The following NRG1 variants were observed in gnomAD, a reference collection of about 807,000 sequenced individuals.
NRG1 encodes the protein neuregulin 1.
NRG1 carries 18 observed loss-of-function variants against 63.8 expected under a neutral mutation model. That is an observed-to-expected ratio of 0.28 (90% CI 0.19 to 0.42). The LOEUF is 0.42. Ranked by LOEUF, NRG1 falls within the 10% of genes least tolerant of loss-of-function variation. The probability of loss-of-function intolerance (pLI) is 1.00; values close to 1 mark genes in which losing one functional copy is unlikely to be tolerated. For synonymous variants in NRG1, 302 were observed against 301.3 expected (o/e 1.00, Z -0.02); for missense variants, 762 against 814.7 (o/e 0.94, Z 0.79).
chr8:32,113,079 C>T (rs893009379), intron 1 of NRG1, among the ~76,000 whole-genome samples: 1 of 152,118 alleles, frequency 6.6e-6, no homozygotes, highest in African/African-American at 2.4e-5. Flanking sequence ...GGGGCTGTAC[C>T]ACTGGGCAGG....
chr8:31,694,159 G>T (rs1237148845), intron 1 of NRG1, among the ~76,000 whole-genome samples: 2 of 152,168 alleles, frequency 1.3e-5, no homozygotes, highest in African/African-American at 4.8e-5. Context: ...GTCTTTTGAG[G>T]TGGTGGGAAG....
intron 1 of NRG1, among the ~76,000 whole-genome samples, chr8:32,064,224 A>G (rs1231612882): frequency 1.3e-5 from 2 of 152,140 alleles, no homozygotes; most frequent in Non-Finnish European, 2.9e-5. Context: ...TAGATAGCCA[A>G]ACAAAATGGA....
intron 1 of NRG1, chr8:32,026,208 A>G (rs1041756723): frequency 2.0e-5 from 3 of 151,516 alleles, no homozygotes; most frequent in Admixed American, 6.6e-5. Flanking sequence ...AGCCGGGACT[A>G]CAGGCGCCTG....
chr8:32,423,896 A>AT (rs1817008192), intron 1 of NRG1, among the ~76,000 whole-genome samples: 1 of 152,202 alleles, frequency 6.6e-6, no homozygotes, highest in African/African-American at 2.4e-5. Flanking sequence ...CTGCCATAAC[A>AT]TATTTTCCTC....
intron 1 of NRG1, among the ~76,000 whole-genome samples, chr8:32,281,184 C>CTTTTTTTTT (rs35582021): frequency 3.2e-5 from 3 of 94,326 alleles, no homozygotes; most frequent in Non-Finnish European, 5.9e-5. Flanking sequence ...GTAGTTTTTC[C>CTTTTTTTTT]TTTTTTTTTT....
At chr8:32,625,239 A>G (rs1563795124) in intron 5 of NRG1, among the ~76,000 whole-genome samples, 1 of 151,618 alleles carries the variant, frequency 6.6e-6, no homozygotes, top group Non-Finnish European at 1.5e-5. Context: ...AAGTGTTGGA[A>G]TGCCACTTTT....
At chr8:31,705,390 A>G (rs1267491396) in intron 1 of NRG1, among the ~76,000 whole-genome samples, 1 of 147,054 alleles carries the variant, frequency 6.8e-6, no homozygotes, top group Non-Finnish European at 1.5e-5. Context: ...CCACGCTGAA[A>G]CTCTCTCTCT....
intron 1 of NRG1, among the ~76,000 whole-genome samples, chr8:31,843,374 A>G (rs963975719): frequency 6.6e-6 from 1 of 152,192 alleles, no homozygotes. Flanking sequence ...ATGCCATGTC[A>G]CTAAACGTCA....
At chr8:32,387,766 C>T (rs1811201645) in intron 1 of NRG1, among the ~76,000 whole-genome samples, 1 of 151,898 alleles carries the variant, frequency 6.6e-6, no homozygotes, top group Non-Finnish European at 1.5e-5. Context: ...TTGGAAAGTT[C>T]CCAGCAAAAA....
At chr8:32,758,073 A>G (rs1280014235) in intron 9 of NRG1, among the ~76,000 whole-genome samples, 2 of 152,276 alleles carry the variant, frequency 1.3e-5, no homozygotes, top group African/African-American at 4.8e-5. Context: ...CAAGCTGTAT[A>G]TTTTTGGATC....
intron 1 of NRG1, among the ~76,000 whole-genome samples, chr8:31,714,484 A>G (rs1378100334): frequency 6.6e-6 from 1 of 152,042 alleles, no homozygotes; most frequent in Non-Finnish European, 1.5e-5. Flanking sequence ...AGTATTATCT[A>G]GTTTTCATTT....
intron 1 of NRG1, among the ~76,000 whole-genome samples, chr8:31,797,857 G>A (rs573135818): frequency 1.3e-5 from 2 of 152,152 alleles, no homozygotes; most frequent in Admixed American, 6.5e-5. Context: ...GCCACCAAAA[G>A]GAATGAAATT....
chr8:32,320,656 A>G (rs1473210917), intron 1 of NRG1, among the ~76,000 whole-genome samples: 3 of 152,154 alleles, frequency 2.0e-5, no homozygotes, highest in East Asian at 1.9e-4. Context: ...CCATGGTTCA[A>G]TCACCTCCCA....
intron 5 of NRG1, among the ~76,000 whole-genome samples, chr8:32,659,655 C>T (rs1035393567): frequency 7.2e-5 from 11 of 152,138 alleles, no homozygotes; most frequent in African/African-American, 2.7e-4. Flanking sequence ...ATCTCATAAA[C>T]TCTCTTGTGA....
In NRG1 at chr8:32,273,058, T is replaced by C. The variant is rs539429141; in HGVS notation, c.38-322770T>C. On this transcript the variant is annotated intron_variant, in intron 1 of 10. Coordinates refer to the NRG1 transcript ENST00000519301. ...ATTTGTATTCATTTCTCCATAAATT[T>C]GCCAAAGTTAGAAGAGAAAATCCAT... 2.1e-4 allele frequency among the ~76,000 whole-genome samples: 32 copies of C among 152,196 alleles called. 1 individual carries two copies. Among genetic ancestry groups the C allele is most frequent in the Non-Finnish European group, 4.3e-4 (29 of 68,032 alleles).
At chr8:32,541,271 G>A (rs1832546812) in intron 1 of NRG1, among the ~76,000 whole-genome samples, 3 of 152,106 alleles carry the variant, frequency 2.0e-5, no homozygotes, top group Admixed American at 6.6e-5. Flanking sequence ...GAAGAAAAGG[G>A]AGGATGTTTT....
At chr8:32,651,892 C>T (rs1415681474) in intron 5 of NRG1, among the ~76,000 whole-genome samples, 3 of 152,016 alleles carry the variant, frequency 2.0e-5, no homozygotes, top group Admixed American at 6.5e-5. Context: ...TAATCATAGC[C>T]GATTACAGCC....
chr8:32,446,951 T>A lies in NRG1; in HGVS notation c.38-148877T>A, dbSNP rs1368278543. Among the ~76,000 whole-genome samples, 5 of 152,140 alleles carry A rather than the reference T, an allele frequency of 3.3e-5. No individual in the cohort carries two copies. In the East Asian group the frequency reaches 9.6e-4, roughly 29 times the overall value. ...CATGGGGAAAAATATGGTAAGTTTG[T>A]CTTAATTCATACCCAAGGACATTTA... On this transcript the variant is annotated intron_variant, in intron 1 of 10. Transcript: ENST00000519301.
chr8:32,552,339 C>T (rs1554580086), intron 1 of NRG1, among the ~76,000 whole-genome samples: 2 of 150,616 alleles, frequency 1.3e-5, no homozygotes, highest in Admixed American at 1.3e-4. Flanking sequence ...TCTTTTTCCT[C>T]TTAAATAACC....
Sources: gnomAD v4.1 joint callset for allele counts (sites outside exome capture counted in the v4.1 genomes callset) on GRCh38, gnomAD v4.1.1 for gene constraint, MANE v1.5 for transcripts, NCBI Gene and HGNC (gene_info 2026-07-23, HGNC 2026-07-21) for gene names.